RMST: variants seen among roughly 807,000 people sequenced by gnomAD.
The protein encoded by RMST is long intergenic non-protein coding RNA 54.
intron 10 of RMST, among the ~76,000 whole-genome samples, chr12:97,513,389 A>T (rs1879617195): frequency 6.6e-6 from 1 of 152,214 alleles, no homozygotes; most frequent in Non-Finnish European, 1.5e-5. Context: ...AAAAATACAA[A>T]TACGCAAAGA....
chr12:97,556,573 A>C (rs1883722221), intron 11 of RMST, among the ~76,000 whole-genome samples: 1 of 152,164 alleles, frequency 6.6e-6, no homozygotes, highest in African/African-American at 2.4e-5. Context: ...GTGTTTCCTC[A>C]TTTGTAGGAC....
At position 97,562,506 on chromosome 12, in the gene RMST, G is replaced by T. The variant is rs1260202979; in HGVS notation, n.1958+1459G>T. Reference sequence around the variant, plus strand: ...GGGAGAGCTGAGCCAGCTGGGGGAGGAGGTAGAGGTGGAGTCTGGGAGGTA... The same window carrying T: ...GGGAGAGCTGAGCCAGCTGGGGGAGTAGGTAGAGGTGGAGTCTGGGAGGTA... On this transcript the variant is annotated intron_variant and non_coding_transcript_variant, in intron 13 of 13. Coordinates refer to ENST00000640149, the Ensembl canonical transcript of RMST. 2.0e-5 allele frequency among the ~76,000 whole-genome samples: 3 copies of T among 152,226 alleles called. No homozygotes were observed. In the South Asian group the frequency reaches 6.2e-4, roughly 32 times the overall value.
At chr12:97,536,377 C>G (rs980113907) in intron 11 of RMST, among the ~76,000 whole-genome samples, 3 of 151,342 alleles carry the variant, frequency 2.0e-5, no homozygotes, top group Non-Finnish European at 3.0e-5. Flanking sequence ...AAAAAGTAAA[C>G]TTCTGCAAAA....
intron 11 of RMST, among the ~76,000 whole-genome samples, chr12:97,556,711 G>T (rs1883730154): frequency 1.3e-5 from 2 of 152,064 alleles, no homozygotes; most frequent in Non-Finnish European, 2.9e-5. Context: ...CCTCTTTCTG[G>T]CTTGGAAGGC....
intron 10 of RMST, among the ~76,000 whole-genome samples, chr12:97,497,450 A>G (rs1195258911): frequency 6.6e-6 from 1 of 152,214 alleles, no homozygotes; most frequent in Non-Finnish European, 1.5e-5. Flanking sequence ...AATATTTCAA[A>G]GTTGCCATGC....
chr12:97,521,843 C>T (rs972158673), intron 10 of RMST, among the ~76,000 whole-genome samples: 2 of 152,126 alleles, frequency 1.3e-5, no homozygotes, highest in African/African-American at 4.8e-5. Flanking sequence ...TTTATTTTCC[C>T]AGTTAACACT....
rs969695392 is a variant in RMST, at chr12:97,554,452, A to G, written n.1546-6085A>G. ...CAATAAAACAGGGCCTACAAAAATA[A>G]ACGTGGACAATTTCAAGTTTTCAAT... On this transcript the variant is annotated intron_variant and non_coding_transcript_variant, in intron 11 of 13. Transcript: ENST00000640149. Among the ~76,000 whole-genome samples, 4 of 152,334 alleles carry G rather than the reference A, an allele frequency of 2.6e-5. No homozygotes were observed. The East Asian group carries it at 7.7e-4, about 29-fold the overall frequency.
exon 12 of RMST, chr12:97,560,661 A>T (rs1386305108): frequency 6.6e-6 from 1 of 152,200 alleles, no homozygotes; most frequent in Non-Finnish European, 1.5e-5. Flanking sequence ...GCCTGGAGTG[A>T]TTACTTGCAA....
intron 11 of RMST, among the ~76,000 whole-genome samples, chr12:97,549,621 C>T (rs1158322438): frequency 2.6e-5 from 4 of 152,206 alleles, no homozygotes; most frequent in African/African-American, 9.6e-5. Context: ...TTACTCTGTT[C>T]ATGCAGAGCA....
chr12:97,491,561 T>A (rs75529436), intron 5 of RMST: 1,903 of 178,254 alleles, frequency 0.011, 49 homozygotes, highest in African/African-American at 0.042. Context: ...TCTATTAATA[T>A]AAGATTAGCA....
intron 11 of RMST, among the ~76,000 whole-genome samples, chr12:97,531,156 T>C (rs968282321): frequency 5.3e-5 from 8 of 151,996 alleles, no homozygotes; most frequent in Non-Finnish European, 1.2e-4. Flanking sequence ...TAAATATCAA[T>C]GGGACATTTA....
chr12:97,482,028 C>T (rs1593145423), intron 5 of RMST, among the ~76,000 whole-genome samples: 1 of 152,278 alleles, frequency 6.6e-6, no homozygotes, highest in East Asian at 1.9e-4. Flanking sequence ...TTTTACAACA[C>T]TGTTTATTCA....
chr12:97,512,007 T>C (rs4762392), intron 10 of RMST, among the ~76,000 whole-genome samples: 100,145 of 151,988 alleles, frequency 0.66, 34,532 homozygotes, highest in Middle Eastern at 0.83. Context: ...TCGCAGTGAG[T>C]GTTACAGTTC....
chr12:97,483,912 A>T (rs1236201310), intron 5 of RMST, among the ~76,000 whole-genome samples: 17 of 152,122 alleles, frequency 1.1e-4, no homozygotes, highest in Admixed American at 1.1e-3. Flanking sequence ...AGCCAATGTA[A>T]ACCTCCTTCA....
At chr12:97,469,800 C>A (rs10860215) in intron 5 of RMST, among the ~76,000 whole-genome samples, 1 of 151,910 alleles carries the variant, frequency 6.6e-6, no homozygotes, top group Non-Finnish European at 1.5e-5. Flanking sequence ...CCCAAGTCAA[C>A]GTCCTTAGAA....
At chr12:97,463,017 G>GTCTCTCTCCCTCTCTCTCTCTCTC (rs1872742746) in intron 3 of RMST, 1 of 129,898 alleles carries the variant, frequency 7.7e-6, no homozygotes, top group Admixed American at 8.1e-5. Flanking sequence ...CAAGTCAGCA[G>GTCTCTCTCCCTCTCTCTCTCTCTC]TCTCTCTCTC....
At chr12:97,472,664 G>T (rs1874063831) in intron 5 of RMST, among the ~76,000 whole-genome samples, 2 of 152,016 alleles carry the variant, frequency 1.3e-5, no homozygotes, top group Admixed American at 1.3e-4. Context: ...AAGATAAATG[G>T]GTACATATGA....
chr12:97,524,088 A>G lies in RMST; in HGVS notation n.1341-6567A>G, dbSNP rs1206867256. Among the ~76,000 whole-genome samples, 25 of 147,206 alleles carry G rather than the reference A, an allele frequency of 1.7e-4. 4 individuals are homozygous for G. Among genetic ancestry groups the G allele is most frequent in the East Asian group, 7.9e-4 (4 of 5,084 alleles). On this transcript the variant is annotated intron_variant and non_coding_transcript_variant, in intron 10 of 13. Transcript: ENST00000640149. ...GAGACTCTGTCTCAAAAAAAAAAAA[A>G]AAAAAAAAAAAAAAATCACATAACT... is the stretch of plus-strand genomic sequence containing the variant.
chr12:97,478,723 A>AT (rs1212123602), intron 5 of RMST, among the ~76,000 whole-genome samples: 1 of 152,252 alleles, frequency 6.6e-6, no homozygotes, highest in Non-Finnish European at 1.5e-5. Flanking sequence ...CAGGGCTTAA[A>AT]TAGGAGTTAA....
Sources: allele counts gnomAD v4.1 joint callset (sites outside exome capture counted in the v4.1 genomes callset), GRCh38; gene constraint gnomAD v4.1.1; transcripts MANE v1.5; gene names NCBI Gene and HGNC (gene_info 2026-07-23, HGNC 2026-07-21).